LEF1: variants seen among roughly 807,000 people sequenced by gnomAD.
LEF1 encodes lymphoid enhancer-binding factor 1.
A neutral mutation model predicts 51.2 loss-of-function variants in LEF1; 14 were observed. The observed-to-expected ratio is 0.27, with a 90% CI of 0.18 to 0.43. The LOEUF (loss-of-function observed/expected upper bound fraction) is 0.43, where lower values mean the gene tolerates loss of function less well. Among genes scored for constraint, LEF1 ranks in the 20% least tolerant of loss-of-function variants. The pLI, the probability that LEF1 is intolerant of heterozygous loss-of-function variation, is 1.00. For synonymous variants in LEF1, 185 were observed against 183.2 expected, an observed-to-expected ratio of 1.01 and a Z score of -0.08; for missense variants, 386 against 512.0, an observed-to-expected ratio of 0.75 and a Z score of 2.37.
chr4:108,093,148 G>T (rs927569265), intron 3 of LEF1, among the ~76,000 whole-genome samples: 1 of 152,092 alleles, frequency 6.6e-6, no homozygotes, highest in Non-Finnish European at 1.5e-5. Context: ...ACCAGGGAAT[G>T]GGTAGGTCAA....
chr4:108,167,809 G>A lies in LEF1; in HGVS notation c.-42C>T, dbSNP rs1745512697. ...TCTCCGCTCCGCTGTGGGAGCACCC[G>A]CGCAACAGCAGGAAAGACAGAGGGG... On this transcript the variant is annotated 5_prime_UTR_variant, in exon 1 of 12. Coordinates refer to ENST00000265165, the MANE Select transcript of LEF1 (RefSeq NM_016269.5). This position sits in a 1 kb window ranked among gnomAD's most constrained non-coding sequence, Gnocchi z 5.7. 1 of 1,559,428 alleles carries A rather than the reference G, an allele frequency of 6.4e-7. No homozygotes were observed. Among genetic ancestry groups the A allele is most frequent in the East Asian group, 2.2e-5 (1 of 44,610 alleles).
chr4:108,163,557 A>G lies in LEF1; in HGVS notation c.414+11T>C, dbSNP rs1370767618. Reference sequence around the variant, plus strand: ...TCTGAACATAATTTGCAACATCAGCATGTTACTTACTGTTCTCGGGATGGG... The same window carrying G: ...TCTGAACATAATTTGCAACATCAGCGTGTTACTTACTGTTCTCGGGATGGG... On this transcript the variant is annotated intron_variant, in intron 3 of 11. Transcript: ENST00000265165. The G allele has an allele frequency of 1.2e-6, 2 of 1,609,624 alleles. No individual in the cohort carries two copies. The highest frequency in any genetic ancestry group is 1.7e-6 in the Non-Finnish European group (2 of 1,178,484).
chr4:108,147,602 T>C (rs970879580), intron 3 of LEF1, among the ~76,000 whole-genome samples: 9 of 152,234 alleles, frequency 5.9e-5, no homozygotes, highest in Non-Finnish European at 1.0e-4. Context: ...TGGCTTCACA[T>C]TATTCACTAA....
intron 3 of LEF1, among the ~76,000 whole-genome samples, chr4:108,161,955 A>C (rs1745084032): frequency 6.6e-6 from 1 of 152,128 alleles, no homozygotes; most frequent in South Asian, 2.1e-4. Flanking sequence ...CCCTCCAAAA[A>C]CAGCAAAAAA....
chr4:108,160,794 A>G (rs951219804), intron 3 of LEF1, among the ~76,000 whole-genome samples: 4 of 152,226 alleles, frequency 2.6e-5, no homozygotes, highest in Non-Finnish European at 4.4e-5. Context: ...AGATTCCAGC[A>G]GAAACATTTC....
chr4:108,110,931 A>G (rs1049159525), intron 3 of LEF1, among the ~76,000 whole-genome samples: 3 of 152,196 alleles, frequency 2.0e-5, no homozygotes, highest in African/African-American at 7.2e-5. Flanking sequence ...AACTCATTTT[A>G]TGGCATTTCA....
chr4:108,137,389 A>C (rs1743365785), intron 3 of LEF1, among the ~76,000 whole-genome samples: 1 of 152,244 alleles, frequency 6.6e-6, no homozygotes, highest in Non-Finnish European at 1.5e-5. Context: ...CAATCAAAAA[A>C]GCAATTAAAA....
At chr4:108,131,753 C>A (rs1252829756) in intron 3 of LEF1, among the ~76,000 whole-genome samples, 8 of 152,084 alleles carry the variant, frequency 5.3e-5, no homozygotes, top group African/African-American at 1.7e-4. Flanking sequence ...TAAAACCCTG[C>A]CTTTATGCAG....
chr4:108,164,993 AC>A, intron 2 of LEF1, 103 bp downstream of exon 2: 1 of 902,662 alleles, frequency 1.1e-6, no homozygotes, highest in Admixed American at 1.8e-5. Flanking sequence ...GCATAGTCTG[AC>A]CTAGTCCCAG....
At chr4:108,166,628 A>T (rs1240851945) in intron 1 of LEF1, 1 of 1,059,232 alleles carries the variant, frequency 9.4e-7, no homozygotes. Flanking sequence ...GCCAGCACCC[A>T]CGTGTCTCTA....
chr4:108,124,367 C>A (rs1033754701), intron 3 of LEF1, among the ~76,000 whole-genome samples: 1 of 150,474 alleles, frequency 6.6e-6, no homozygotes, highest in Non-Finnish European at 1.5e-5. Context: ...TAAACAGATA[C>A]ATGAACATTT....
chr4:108,138,352 T>C (rs1743427959), intron 3 of LEF1, among the ~76,000 whole-genome samples: 1 of 152,230 alleles, frequency 6.6e-6, no homozygotes, highest in South Asian at 2.1e-4. Context: ...CACAAGCCTA[T>C]GGGTCGCTAC....
rs570815457 is a variant in LEF1, at chr4:108,074,415, A to G, written c.1009-3645T>C. Among the ~76,000 whole-genome samples the G allele has an allele frequency of 7.9e-5, 12 of 152,350 alleles. No individual in the cohort carries two copies. In the East Asian group the frequency reaches 2.1e-3, roughly 27 times the overall value. On this transcript the variant is annotated intron_variant, in intron 8 of 11. Coordinates refer to ENST00000265165, the MANE Select transcript of LEF1 (RefSeq NM_016269.5). ...TTAATAGCCAGGAAGGTCTGAAGAGAAAAGGCTTATTTTAAAATAAAATTT... is the reference window on the plus strand; with the variant it reads ...TTAATAGCCAGGAAGGTCTGAAGAGGAAAGGCTTATTTTAAAATAAAATTT...
intron 3 of LEF1, among the ~76,000 whole-genome samples, chr4:108,136,465 CTTT>C (rs3034771): frequency 1.2e-3 from 169 of 140,792 alleles, no homozygotes; most frequent in African/African-American, 3.6e-3. Context: ...CTTAAATTTC[CTTT>C]TTTTTTTTTT....
intron 3 of LEF1, among the ~76,000 whole-genome samples, chr4:108,105,108 T>A (rs1020967930): frequency 6.6e-6 from 1 of 152,140 alleles, no homozygotes; most frequent in African/African-American, 2.4e-5. Context: ...CAGAGCTTAA[T>A]ACTATGGGTT....
At chr4:108,165,302 C>G in intron 1 of LEF1, 139 bp from the exon 2 acceptor site, 2 of 745,812 alleles carry the variant, frequency 2.7e-6, no homozygotes, top group South Asian at 1.6e-5. Context: ...GAGAGACATA[C>G]GCTAGTGTTT....
intron 6 of LEF1, among the ~76,000 whole-genome samples, chr4:108,080,994 A>T (rs772403846): frequency 4.0e-5 from 6 of 148,798 alleles, no homozygotes; most frequent in Non-Finnish European, 9.0e-5. Context: ...GCGGCGCGGC[A>T]GGCCTCCCGA....
intron 3 of LEF1, among the ~76,000 whole-genome samples, chr4:108,159,880 G>A (rs1337603907): frequency 6.6e-6 from 1 of 152,082 alleles, no homozygotes; most frequent in African/African-American, 2.4e-5. Flanking sequence ...GCTGAAATGA[G>A]AACACCCATA....
At chr4:108,166,217 A>G in intron 1 of LEF1, 2 of 1,519,808 alleles carry the variant, frequency 1.3e-6, no homozygotes, top group South Asian at 2.4e-5. Context: ...ACGGGTAAAG[A>G]ACACCATTCT....
Sources: allele counts gnomAD v4.1 joint callset (sites outside exome capture counted in the v4.1 genomes callset), GRCh38; gene constraint gnomAD v4.1.1; non-coding constraint Gnocchi (gnomAD v3.1); transcripts MANE v1.5; gene names NCBI Gene and HGNC (gene_info 2026-07-23, HGNC 2026-07-21).